IDO1: variants seen among roughly 807,000 people sequenced by gnomAD.
IDO1 encodes the protein indoleamine 2,3-dioxygenase 1.
A neutral mutation model predicts 38.8 loss-of-function variants in IDO1; 35 were observed. That is an observed-to-expected ratio of 0.90 (90% CI 0.69 to 1.20). The LOEUF is 1.20. Among genes scored for constraint, IDO1 ranks in the 50% most tolerant of loss-of-function variants. The pLI is 0.00. For missense variants in IDO1, 509 were observed against 485.1 expected, an observed-to-expected ratio of 1.05 and a Z score of -0.46; for synonymous variants, 171 against 170.0, an observed-to-expected ratio of 1.01 and a Z score of -0.05.
At chr8:39,919,645 T>G (rs1025838942) in intron 4 of IDO1, among the ~76,000 whole-genome samples, 1 of 152,118 alleles carries the variant, frequency 6.6e-6, no homozygotes, top group Non-Finnish European at 1.5e-5. Context: ...AAGGATTCAA[T>G]CTAGAAAGTT....
At position 39,927,944 on chromosome 8, in the gene IDO1, G is replaced by C. The variant is rs762900972; in HGVS notation, c.971G>C (p.Gly324Ala). ...GTCCGTGAGTTTGTCCTTTCAAAAG[G>C]TGATGCTGGCCTGCGGGAAGCTTAT... Reference protein sequence around the residue: ...PSVREFVLSKGDAGLREAYDA... With the variant: ...PSVREFVLSKADAGLREAYDA... The change falls in exon 10 of 10, where the codon GGT (glycine) becomes GCT (alanine). Residue 324 changes from glycine to alanine, a missense_variant. By Grantham distance (60) the Gly-to-Ala change is moderately conservative. Coordinates refer to ENST00000518237, the MANE Select transcript of IDO1 (RefSeq NM_002164.6). 1.2e-6 allele frequency: 2 copies of C among 1,606,358 alleles called. No individual in the cohort carries two copies. Among genetic ancestry groups the C allele is most frequent in the Admixed American group, 3.4e-5 (2 of 58,780 alleles).
At position 39,928,191 on chromosome 8, in the gene IDO1, C is replaced by A. The variant is rs1410803189; in HGVS notation, c.*6C>A. 3 of 1,587,532 alleles carry A rather than the reference C, an allele frequency of 1.9e-6. No individual in the cohort carries two copies. Among genetic ancestry groups the A allele is most frequent in the South Asian group, 1.1e-5 (1 of 88,194 alleles). ...CCCTTTTGAAGGAAGGTTAATGTAA[C>A]CCAACAAGAGCACATTTTATCATAG... is the stretch of plus-strand genomic sequence containing the variant. On this transcript the variant is annotated 3_prime_UTR_variant, in exon 10 of 10. Coordinates refer to ENST00000518237, the MANE Select transcript of IDO1 (RefSeq NM_002164.6).
chr8:39,919,999 T>G, intron 4 of IDO1, 101 bp from the exon 5 acceptor site: 1 of 1,001,470 alleles, frequency 1.0e-6, no homozygotes. Flanking sequence ...CCTCTGATAG[T>G]AGCATTCAAT....
intron 5 of IDO1, among the ~76,000 whole-genome samples, chr8:39,921,270 T>C (rs1486093859): frequency 6.6e-6 from 1 of 151,352 alleles, no homozygotes; most frequent in African/African-American, 2.4e-5. Context: ...CTGGCCAACA[T>C]AGTGAAAACC....
chr8:39,924,769 C>A lies in IDO1; in HGVS notation c.704C>A (p.Ser235Tyr). ...AFFSVLRIYL[S>Y]GWKGNPQLSD... ...TTCAGTGTTCTTCGCATATATTTGT[C>A]TGGGTATGTAGTCTTATGTTTGAAT... Residue 235 changes from serine to tyrosine, a missense_variant, in exon 8 of 10, where the codon TCT (serine) becomes TAT (tyrosine). Coordinates refer to ENST00000518237, the MANE Select transcript of IDO1 (RefSeq NM_002164.6). 1 of 1,605,766 alleles carries A rather than the reference C, an allele frequency of 6.2e-7. No homozygotes were observed. Among genetic ancestry groups the A allele is most frequent in the South Asian group, 1.1e-5 (1 of 90,410 alleles).
In IDO1 at chr8:39,928,362, T is replaced by C. The variant is rs1807399448; in HGVS notation, c.*177T>C. On this transcript the variant is annotated 3_prime_UTR_variant, in exon 10 of 10. Coordinates refer to ENST00000518237, the MANE Select transcript of IDO1 (RefSeq NM_002164.6). ...AGGAAAACAACAAAAGGTAATTATGTGTAATTATACTAGAAGTTTTGTAAT... is the reference window on the plus strand; with the variant it reads ...AGGAAAACAACAAAAGGTAATTATGCGTAATTATACTAGAAGTTTTGTAAT... The C allele has an allele frequency of 3.7e-6, 2 of 543,632 alleles. No homozygotes were observed. The highest frequency in any genetic ancestry group is 3.2e-6 in the Non-Finnish European group (1 of 309,102). The allele number at this position is 543,632 out of a possible 1,614,324, so 33.7% of individuals were successfully genotyped here.
chr8:39,918,804 A>G lies in IDO1; in HGVS notation c.304-11A>G, dbSNP rs1318619023. 1 of 1,392,840 alleles carries G rather than the reference A, an allele frequency of 7.2e-7. No homozygotes were observed. The highest frequency in any genetic ancestry group is 1.0e-6 in the Non-Finnish European group (1 of 980,790). 86.3% of individuals were successfully genotyped at this position (1,392,840 alleles called of 1,614,324 possible). On this transcript the variant is annotated splice_polypyrimidine_tract_variant and intron_variant, in intron 3 of 9. Transcript: ENST00000518237. ...CAACAACAAAAAACCTAACTACTGT[A>G]TTTTAATCAGGTCTTGCCAAGAAAT...
chr8:39,925,171 A>G, intron 8 of IDO1, 52 bp from the exon 9 acceptor site: 2 of 1,490,580 alleles, frequency 1.3e-6, no homozygotes, highest in Admixed American at 2.4e-5. Context: ...CCTGAAAATT[A>G]GCAATTAACC....
chr8:39,923,888 T>A (rs971462328), intron 7 of IDO1: 1 of 186,426 alleles, frequency 5.4e-6, no homozygotes, highest in Non-Finnish European at 1.1e-5. Flanking sequence ...GCTAAAAACC[T>A]TAGAGAAACT....
Position 39,918,937 on chromosome 8 carries a change from T to G in IDO1, c.422+4T>G, listed in dbSNP as rs369669247. The G allele has an allele frequency of 5.6e-5, 82 of 1,465,724 alleles. No individual in the cohort carries two copies. In the African/African-American group the frequency reaches 1.0e-3, roughly 19 times the overall value. The allele number at this position is 1,465,724 out of a possible 1,614,324, so 90.8% of individuals were successfully genotyped here. On this transcript the variant is annotated splice_donor_region_variant and intron_variant, in intron 4 of 9. Transcript: ENST00000518237. ...GGAAGAAAAAGGATCCTAATAAGTA[T>G]GTAAACAGTGATAACAACAGGAATT... is the stretch of plus-strand genomic sequence containing the variant.
At chr8:39,922,843 T>G (rs1004229558) in intron 6 of IDO1, 192 bp downstream of exon 6, 6 of 589,794 alleles carry the variant, frequency 1.0e-5, no homozygotes, top group Non-Finnish European at 1.8e-5. Flanking sequence ...CAGAGCCATA[T>G]ACTTAAAATC....
At chr8:39,916,749 C>G (rs1160918795) in intron 1 of IDO1, among the ~76,000 whole-genome samples, 2 of 152,122 alleles carry the variant, frequency 1.3e-5, no homozygotes, top group Non-Finnish European at 2.9e-5. Flanking sequence ...CAGTATGATT[C>G]ATTTTTAATT....
chr8:39,923,443 G>GTTTGTGTTT lies in IDO1; in HGVS notation c.538-24_538-16dup, dbSNP rs759321472. 36 of 1,186,808 alleles carry GTTTGTGTTT rather than the reference G, an allele frequency of 3.0e-5. No homozygotes were observed. The East Asian group carries it at 8.3e-4, about 27-fold the overall frequency. The allele number at this position is 1,186,808 out of a possible 1,614,324, so 73.5% of individuals were successfully genotyped here. ...AAAAGAAAGAAAGAAAACCTTAAAT[G>GTTTGTGTTT]TTTGTGTTTTGTTTGTTTGTTTTAG... On this transcript the variant is annotated intron_variant, in intron 6 of 9. Coordinates refer to ENST00000518237, the MANE Select transcript of IDO1 (RefSeq NM_002164.6).
Position 39,928,460 on chromosome 8 carries a change from G to A in IDO1, c.*275G>A, listed in dbSNP as rs565717928. 1.2e-4 allele frequency: 29 copies of A among 249,886 alleles called. No individual in the cohort carries two copies. Among genetic ancestry groups the A allele is most frequent in the Middle Eastern group, 1.4e-3 (1 of 710 alleles). The allele number at this position is 249,886 out of a possible 1,614,324, so 15.5% of individuals were successfully genotyped here. ...ATAAGATATATTCTGTCGGCTGGGC[G>A]CGGTGGCTCACGCCTGTAATCCCAG... On this transcript the variant is annotated 3_prime_UTR_variant, in exon 10 of 10. Transcript: ENST00000518237.
Position 39,922,619 on chromosome 8 carries a change from T to C in IDO1, c.505T>C (p.Leu169=), listed in dbSNP as rs1472372229. ...CSKGFFLVSL[L]VEIAAASAIK... is the part of the protein sequence containing the mutation. ...TAAAGGATTCTTCCTGGTCTCTCTA[T>C]TGGTGGAAATAGCAGCTGCTTCTGC... Residue 169 remains leucine (L), a synonymous_variant, in exon 6 of 10, where the codon TTG becomes CTG. Transcript: ENST00000518237. 6.2e-7 allele frequency: 1 copy of C among 1,613,252 alleles called. No individual in the cohort carries two copies. Among genetic ancestry groups the C allele is most frequent in the Non-Finnish European group, 8.5e-7 (1 of 1,179,266 alleles).
intron 1 of IDO1, among the ~76,000 whole-genome samples, chr8:39,916,336 C>A (rs567717080): frequency 6.6e-6 from 1 of 151,732 alleles, no homozygotes; most frequent in South Asian, 2.1e-4. Context: ...AAAAAATTAC[C>A]CAGCATGTTG....
intron 4 of IDO1, among the ~76,000 whole-genome samples, chr8:39,919,851 A>G (rs1563415517): frequency 6.6e-6 from 1 of 152,158 alleles, no homozygotes; most frequent in Non-Finnish European, 1.5e-5. Context: ...AAAAAATAAA[A>G]ATAAAACAAC....
At chr8:39,914,140 TAGAG>T in intron 1 of IDO1, 131 bp downstream of exon 1, 2 of 632,470 alleles carry the variant, frequency 3.2e-6, no homozygotes, top group South Asian at 3.9e-5. Context: ...GTGTAAAAAT[TAGAG>T]AGCTGTAATA....
intron 8 of IDO1, 93 bp from the exon 9 acceptor site, chr8:39,925,130 C>A: frequency 1.7e-6 from 2 of 1,191,038 alleles, no homozygotes; most frequent in Non-Finnish European, 1.2e-6. Flanking sequence ...CTCTTGTCAC[C>A]TTCTGTTCAG....
Sources: gnomAD v4.1 joint callset for allele counts (sites outside exome capture counted in the v4.1 genomes callset) on GRCh38, gnomAD v4.1.1 for gene constraint, MANE v1.5 for transcripts, NCBI Gene and HGNC (gene_info 2026-07-23, HGNC 2026-07-21) for gene names.